Variants in RNPEP observed in about 807,000 individuals in gnomAD.
The protein encoded by RNPEP is arginyl aminopeptidase.
A neutral mutation model predicts 70.1 loss-of-function variants in RNPEP; 57 were observed. The observed-to-expected ratio is 0.81, with a 90% CI of 0.66 to 1.01. The LOEUF (loss-of-function observed/expected upper bound fraction) is 1.01, where lower values mean the gene tolerates loss of function less well. RNPEP is among the 50% of genes least tolerant of loss of function. RNPEP has a pLI of 0.00. For missense variants in RNPEP, 787 were observed against 852.4 expected (o/e 0.92, Z 0.96); for synonymous variants, 335 against 357.4 (o/e 0.94, Z 0.71).
chr1:201,988,478 A>C (rs956079502), intron 1 of RNPEP, among the ~76,000 whole-genome samples: 6 of 146,204 alleles, frequency 4.1e-5, no homozygotes, highest in Non-Finnish European at 4.6e-5. Context: ...AAAAAAAAAA[A>C]AAAAACATAT....
rs200795347 is a variant in RNPEP at position 201,984,821 on chromosome 1, CTTTTTTTTTTTTTTTTTTT to C, written c.447+1726_447+1744del. On this transcript the variant is annotated intron_variant, in intron 1 of 10. Coordinates refer to ENST00000295640, the MANE Select transcript of RNPEP (RefSeq NM_020216.4). ...TTACTGCTAACTTTTGTATTTCTTT[CTTTTTTTTTTTTTTTTTTT>C]TTTTTTTTTTTTTTTTTGAGAAGGG... is the stretch of plus-strand genomic sequence containing the variant. 5.9e-4 allele frequency among the ~76,000 whole-genome samples: 72 copies of C among 122,046 alleles called. 1 individual carries two copies. The highest frequency in any genetic ancestry group is 2.3e-3 in the African/African-American group (70 of 30,984). The allele number at this position is 122,046 out of a possible 152,430, so 80.1% of individuals were successfully genotyped here. A position where few individuals can be genotyped will look rare whatever the true frequency, so the allele number is the denominator to read the frequency against.
chr1:202,005,876 C>G lies in RNPEP; in HGVS notation c.*160C>G, dbSNP rs1000929300. ...TATCTGTGACTCTTGGGCCTCTGCT[C>G]TGGTGGGAACTTACTTCTCTATAGC... On this transcript the variant is annotated 3_prime_UTR_variant, in exon 11 of 11. Coordinates refer to ENST00000295640, the MANE Select transcript of RNPEP (RefSeq NM_020216.4). 1.2e-6 allele frequency: 1 copy of G among 829,180 alleles called. No individual in the cohort carries two copies. Among genetic ancestry groups the G allele is most frequent in the African/African-American group, 1.7e-5 (1 of 58,224 alleles). 51.4% of individuals were successfully genotyped at this position (829,180 alleles called of 1,614,324 possible).
rs1443389043 is a variant in RNPEP at position 202,004,501 on chromosome 1, G to T, written c.1794+5G>T. 1.2e-6 allele frequency: 2 copies of T among 1,613,062 alleles called. No homozygotes were observed. Among genetic ancestry groups the T allele is most frequent in the Non-Finnish European group, 1.7e-6 (2 of 1,179,936 alleles). ...AAGGAGTTCCTGCATAACCAGGTGG[G>T]TGACCCCTGCCTCGCTGTTCCCGAA... On this transcript the variant is annotated splice_donor_5th_base_variant and intron_variant, in intron 10 of 10. Transcript: ENST00000295640.
At chr1:202,000,999 G>C in intron 6 of RNPEP, 1 of 199,744 alleles carries the variant, frequency 5.0e-6, no homozygotes, top group South Asian at 1.1e-4. Context: ...GGGAAATGCT[G>C]ATGGAACCTA....
intron 1 of RNPEP, among the ~76,000 whole-genome samples, 186 bp from the exon 2 acceptor site, chr1:201,988,718 C>T (rs140954076): frequency 1.3e-5 from 2 of 152,264 alleles, no homozygotes; most frequent in Non-Finnish European, 2.9e-5. Context: ...GGATGTCATA[C>T]TTTGGCATGG....
intron 8 of RNPEP, among the ~76,000 whole-genome samples, chr1:202,002,490 C>A (rs976093373): frequency 3.3e-5 from 5 of 152,142 alleles, no homozygotes; most frequent in African/African-American, 1.2e-4. Flanking sequence ...GGTACCACTT[C>A]CAAAGAAAAA....
At chr1:202,002,074 C>T (rs755788162) in intron 8 of RNPEP, among the ~76,000 whole-genome samples, 34 of 152,204 alleles carry the variant, frequency 2.2e-4, no homozygotes, top group Non-Finnish European at 4.4e-5. Context: ...CTAAAACTCA[C>T]AGGGCAGGAG....
Position 202,004,515 on chromosome 1 carries a change from G to A in RNPEP, c.1794+19G>A, listed in dbSNP as rs1244131022. ...TAACCAGGTGGGTGACCCCTGCCTC[G>A]CTGTTCCCGAAAGCACACTGGGACC... On this transcript the variant is annotated intron_variant, in intron 10 of 10. Transcript: ENST00000295640. The A allele has an allele frequency of 3.1e-6, 5 of 1,610,934 alleles. No homozygotes were observed. Among genetic ancestry groups the A allele is most frequent in the African/African-American group, 2.7e-5 (2 of 74,902 alleles).
chr1:201,990,355 A>G (rs773268255), intron 3 of RNPEP, among the ~76,000 whole-genome samples: 12 of 152,176 alleles, frequency 7.9e-5, no homozygotes, highest in Non-Finnish European at 1.2e-4. Flanking sequence ...GGTGAGAGCA[A>G]TGCCTCCGTG....
Position 202,003,403 on chromosome 1 carries a change from G to C in RNPEP, c.1593G>C (p.Lys531Asn). Reference protein sequence around the residue: ...AIEAVAISPWKTYQLVYFLDK... With the variant: ...AIEAVAISPWNTYQLVYFLDK... ...AAGCCGTGGCCATCTCTCCCTGGAA[G>C]ACCTACCAGCTGGTCTACTTCCTGG... Residue 531 changes from lysine to asparagine, a missense_variant, in exon 9 of 11, where the codon AAG (lysine) becomes AAC (asparagine). Lys to Asn is a moderately conservative substitution (Grantham distance 94). Transcript: ENST00000295640. 1 of 1,614,168 alleles carries C rather than the reference G, an allele frequency of 6.2e-7. No homozygotes were observed. The highest frequency in any genetic ancestry group is 2.2e-5 in the East Asian group (1 of 44,884).
intron 1 of RNPEP, among the ~76,000 whole-genome samples, chr1:201,984,350 C>T (rs114895878): frequency 0.05 from 7,555 of 152,242 alleles, 248 homozygotes; most frequent in South Asian, 0.12. Context: ...AGACTTGAAG[C>T]GGCTTCCGGA....
Position 201,983,066 on chromosome 1 carries a change from G to T in RNPEP, c.400G>T (p.Glu134Ter). The T allele has an allele frequency of 2.6e-6, 4 of 1,524,540 alleles. No homozygotes were observed. Among genetic ancestry groups the T allele is most frequent in the Non-Finnish European group, 1.8e-6 (2 of 1,141,768 alleles). The allele number at this position is 1,524,540 out of a possible 1,614,324, so 94.4% of individuals were successfully genotyped here. A position where few individuals can be genotyped will look rare whatever the true frequency, so the allele number is the denominator to read the frequency against. The stretch of plus-strand genomic sequence containing the variant: ...CTTCCCGCAGCCCTGCCGCGCCGCC[G>T]AGCGCCTCCAGGTGCTGCTCACCTA... ...VSFPQPCRAAERLQVLLTYRV... is the reference protein window; with the variant it reads ...VSFPQPCRAA Residue 134 changes from glutamate to a stop codon, truncating the protein, a stop_gained, in exon 1 of 11, where the codon GAG becomes TAG. Transcript: ENST00000295640. LOFTEE classifies it high-confidence loss of function.
At chr1:201,992,611 C>A (rs1403773293) in intron 3 of RNPEP, among the ~76,000 whole-genome samples, 1 of 152,062 alleles carries the variant, frequency 6.6e-6, no homozygotes, top group Non-Finnish European at 1.5e-5. Flanking sequence ...CCTGGGCAGT[C>A]AAGACCCTCC....
Position 202,000,034 on chromosome 1 carries a change from T to C in RNPEP, c.1204+19T>C, listed in dbSNP as rs537202068. On this transcript the variant is annotated intron_variant, in intron 6 of 10. Transcript: ENST00000295640. Reference sequence around the variant, plus strand: ...GAACCAGGTCCAGGAGGCTCCTCTGTCTGACACCCACTCCCCTCAATTGAG... The same window carrying C: ...GAACCAGGTCCAGGAGGCTCCTCTGCCTGACACCCACTCCCCTCAATTGAG... 1.3e-6 allele frequency: 2 copies of C among 1,565,620 alleles called. No homozygotes were observed. The highest frequency in any genetic ancestry group is 1.1e-5 in the South Asian group (1 of 89,340).
At position 201,982,948 on chromosome 1, in the gene RNPEP, G is replaced by A; in HGVS notation, c.282G>A (p.Arg94=). 1 of 1,489,080 alleles carries A rather than the reference G, an allele frequency of 6.7e-7. No homozygotes were observed. Among genetic ancestry groups the A allele is most frequent in the Non-Finnish European group, 8.9e-7 (1 of 1,122,460 alleles). 92.2% of individuals were successfully genotyped at this position (1,489,080 alleles called of 1,614,324 possible). A position where few individuals can be genotyped will look rare whatever the true frequency, so the allele number is the denominator to read the frequency against. ...PCLEVTAAAL[R]RERPGSEEPP... Reference sequence around the variant, plus strand: ...TGGAGGTGACGGCGGCGGCGCTGCGGCGGGAGCGGCCCGGCTCGGAGGAGC... The same window carrying A: ...TGGAGGTGACGGCGGCGGCGCTGCGACGGGAGCGGCCCGGCTCGGAGGAGC... Residue 94 remains arginine (R), a synonymous_variant, in exon 1 of 11, where the codon CGG becomes CGA. Coordinates refer to ENST00000295640, the MANE Select transcript of RNPEP (RefSeq NM_020216.4).
chr1:202,004,982 G>A (rs935642141), intron 10 of RNPEP, among the ~76,000 whole-genome samples: 1 of 152,162 alleles, frequency 6.6e-6, no homozygotes, highest in Non-Finnish European at 1.5e-5. Context: ...ATCAGATTCC[G>A]GAGCAGGGAG....
chr1:201,982,731 C>A lies in RNPEP; in HGVS notation c.65C>A (p.Ala22Asp). ...CGGCGGCCGCTGCACTCCGCGCAGGCTGTGGACGTGGCCTCGGCCTCCAAC... is the reference window on the plus strand; with the variant it reads ...CGGCGGCCGCTGCACTCCGCGCAGGATGTGGACGTGGCCTCGGCCTCCAAC... The part of the protein sequence containing the change: ...AARRPLHSAQ[A>D]VDVASASNFR... The change falls in exon 1 of 11, where the codon GCT (alanine) becomes GAT (aspartate). Residue 22 changes from alanine (A) to aspartate (D), a missense_variant. Ala to Asp is a moderately radical substitution (Grantham distance 126). Coordinates refer to ENST00000295640, the MANE Select transcript of RNPEP (RefSeq NM_020216.4). 7.2e-7 allele frequency: 1 copy of A among 1,394,050 alleles called. No homozygotes were observed. The highest frequency in any genetic ancestry group is 9.3e-7 in the Non-Finnish European group (1 of 1,072,308). 86.4% of individuals were successfully genotyped at this position (1,394,050 alleles called of 1,614,324 possible). A position where few individuals can be genotyped will look rare whatever the true frequency, so the allele number is the denominator to read the frequency against.
intron 5 of RNPEP, among the ~76,000 whole-genome samples, chr1:201,999,355 G>A (rs879359270): frequency 5.9e-5 from 9 of 151,912 alleles, no homozygotes; most frequent in East Asian, 1.9e-4. Flanking sequence ...CTTGGCCAAC[G>A]TGGTAAAGCC....
rs1021118774 is a variant in RNPEP, at chr1:201,984,408, T to C, written c.447+1295T>C. Among the ~76,000 whole-genome samples the C allele has an allele frequency of 3.3e-5, 5 of 152,338 alleles. No individual in the cohort carries two copies. In the East Asian group the frequency reaches 9.6e-4, roughly 29 times the overall value. On this transcript the variant is annotated intron_variant, in intron 1 of 10. Transcript: ENST00000295640. ...TGGTTACATTCTTTTGAGTTTCTGA[T>C]GAGCCTTTCCAAAGGAAGCAAATCA...
Sources: allele counts gnomAD v4.1 joint callset (sites outside exome capture counted in the v4.1 genomes callset), GRCh38; gene constraint gnomAD v4.1.1; transcripts MANE v1.5; gene names NCBI Gene and HGNC (gene_info 2026-07-23, HGNC 2026-07-21).